Variants in MINDY3 observed in about 807,000 individuals in gnomAD.
The protein encoded by MINDY3 is ubiquitin carboxyl-terminal hydrolase MINDY-3.
Under a neutral mutation model 69.2 loss-of-function variants are expected in MINDY3, and 38 were observed. The ratio of observed to expected loss-of-function variants is 0.55; its 90% CI spans 0.42 to 0.72. MINDY3 has a LOEUF of 0.72. Among genes scored for constraint, MINDY3 ranks in the 30% least tolerant of loss-of-function variants. The probability of loss-of-function intolerance (pLI) is 0.00; values close to 1 mark genes in which losing one functional copy is unlikely to be tolerated. For missense variants in MINDY3, 522 were observed against 519.0 expected, an observed-to-expected ratio of 1.01 and a Z score of -0.06; for synonymous variants, 192 against 180.1, an observed-to-expected ratio of 1.07 and a Z score of -0.53.
intron 8 of MINDY3, among the ~76,000 whole-genome samples, chr10:15,827,498 G>A (rs1039632724): frequency 2.0e-5 from 3 of 151,826 alleles, no homozygotes; most frequent in Admixed American, 6.6e-5. Flanking sequence ...AGCCAGGATC[G>A]TGCCACTGCA....
chr10:15,854,151 G>A (rs950324140), intron 1 of MINDY3, among the ~76,000 whole-genome samples: 2 of 152,110 alleles, frequency 1.3e-5, no homozygotes, highest in African/African-American at 4.8e-5. Context: ...ATTTAACAGA[G>A]GATGAAAAGT....
chr10:15,832,292 C>G (rs545290338), intron 8 of MINDY3, among the ~76,000 whole-genome samples: 24 of 152,104 alleles, frequency 1.6e-4, no homozygotes, highest in Admixed American at 5.2e-4. Context: ...CAGCAAGAAC[C>G]TATTGCTTCC....
intron 10 of MINDY3, among the ~76,000 whole-genome samples, chr10:15,811,533 C>T (rs1241022646): frequency 1.3e-5 from 2 of 152,004 alleles, no homozygotes; most frequent in African/African-American, 4.8e-5. Context: ...ACAAATTATT[C>T]CAAAACTGCA....
chr10:15,832,459 A>C (rs913524155), intron 8 of MINDY3, among the ~76,000 whole-genome samples: 1 of 150,708 alleles, frequency 6.6e-6, no homozygotes, highest in Non-Finnish European at 1.5e-5. Context: ...TTTTTTTTTC[A>C]TTGACAGGAT....
At chr10:15,856,418 G>GAA (rs372994140) in intron 1 of MINDY3, among the ~76,000 whole-genome samples, 1 of 141,748 alleles carries the variant, frequency 7.1e-6, no homozygotes, top group Admixed American at 7.0e-5. Context: ...TGGGGAAAAA[G>GAA]AAAAAAAAAA....
At chr10:15,787,147 A>G (rs1837033073) in intron 12 of MINDY3, among the ~76,000 whole-genome samples, 2 of 152,156 alleles carry the variant, frequency 1.3e-5, no homozygotes, top group African/African-American at 4.8e-5. Context: ...ATTCATAGAC[A>G]ATGTAATTTG....
At chr10:15,849,023 G>A (rs1834076351) in intron 1 of MINDY3, among the ~76,000 whole-genome samples, 2 of 152,148 alleles carry the variant, frequency 1.3e-5, no homozygotes, top group Admixed American at 6.6e-5. Context: ...CTCTGGTCTG[G>A]AGGAGCCACT....
chr10:15,786,711 A>T, intron 12 of MINDY3, 63 bp from the exon 13 acceptor site: 1 of 982,768 alleles, frequency 1.0e-6, no homozygotes, highest in Non-Finnish European at 1.6e-6. Flanking sequence ...CTTTTCTTTC[A>T]TGATTAAATT....
At chr10:15,835,484 A>C (rs1833011922) in intron 6 of MINDY3, among the ~76,000 whole-genome samples, 1 of 152,094 alleles carries the variant, frequency 6.6e-6, no homozygotes, top group Non-Finnish European at 1.5e-5. Context: ...CCATCCTCCT[A>C]AACAATACAA....
At chr10:15,804,229 G>T (rs1838467054) in intron 10 of MINDY3, among the ~76,000 whole-genome samples, 2 of 152,174 alleles carry the variant, frequency 1.3e-5, no homozygotes, top group South Asian at 4.1e-4. Context: ...GGGTTGGCGG[G>T]GGGGCGGGGG....
At chr10:15,821,114 C>T (rs1839727674) in intron 9 of MINDY3, among the ~76,000 whole-genome samples, 1 of 152,062 alleles carries the variant, frequency 6.6e-6, no homozygotes, top group South Asian at 2.1e-4. Context: ...AAATAAACAG[C>T]AATAAATGAG....
intron 8 of MINDY3, among the ~76,000 whole-genome samples, chr10:15,829,461 G>A (rs778904496): frequency 6.6e-6 from 1 of 152,316 alleles, no homozygotes; most frequent in South Asian, 2.1e-4. Context: ...TAATCGTGAT[G>A]TGCAGCCAAG....
chr10:15,832,179 G>A (rs116551833), intron 8 of MINDY3, among the ~76,000 whole-genome samples: 1 of 152,082 alleles, frequency 6.6e-6, no homozygotes, highest in Non-Finnish European at 1.5e-5. Flanking sequence ...GTGTGAGAGA[G>A]AGTGATGCGC....
At chr10:15,784,909 C>T (rs1262319551) in intron 13 of MINDY3, among the ~76,000 whole-genome samples, 1 of 151,976 alleles carries the variant, frequency 6.6e-6, no homozygotes, top group Non-Finnish European at 1.5e-5. Flanking sequence ...ACACCGAGGG[C>T]GTCTGAGCTG....
chr10:15,837,909 T>C, intron 5 of MINDY3: 1 of 930,034 alleles, frequency 1.1e-6, no homozygotes. Context: ...TTCTAATATT[T>C]ATCCTACTAG....
At chr10:15,785,884 T>C (rs1413743247) in intron 13 of MINDY3, among the ~76,000 whole-genome samples, 2 of 152,206 alleles carry the variant, frequency 1.3e-5, no homozygotes, top group Admixed American at 1.3e-4. Context: ...ACAATGAACT[T>C]CAGTGCAAAC....
At chr10:15,803,715 C>A (rs1838425053) in intron 10 of MINDY3, among the ~76,000 whole-genome samples, 1 of 151,952 alleles carries the variant, frequency 6.6e-6, no homozygotes, top group Admixed American at 6.6e-5. Context: ...TCTAATAGAA[C>A]AGAGAAAAAC....
chr10:15,814,365 A>G (rs943448499), intron 10 of MINDY3, among the ~76,000 whole-genome samples: 1 of 152,048 alleles, frequency 6.6e-6, no homozygotes, highest in Non-Finnish European at 1.5e-5. Flanking sequence ...AAGCATCACA[A>G]TGAGTCGTGT....
chr10:15,827,648 A>C (rs1230667093), intron 8 of MINDY3, among the ~76,000 whole-genome samples: 1 of 152,132 alleles, frequency 6.6e-6, no homozygotes, highest in Admixed American at 6.5e-5. Flanking sequence ...CAATATTTGC[A>C]ACACAGGTCA....
Sources: allele counts gnomAD v4.1 joint callset (sites outside exome capture counted in the v4.1 genomes callset), GRCh38; gene constraint gnomAD v4.1.1; transcripts MANE v1.5; gene names NCBI Gene and HGNC (gene_info 2026-07-23, HGNC 2026-07-21).